CFAP99: variants seen among roughly 807,000 people sequenced by gnomAD.
The protein encoded by CFAP99 is cilia and flagella associated protein 99, also known as cilia- and flagella-associated protein 99.
CFAP99 carries 84 observed loss-of-function variants against 82.7 expected under a neutral mutation model. The ratio of observed to expected loss-of-function variants is 1.02; its 90% CI spans 0.85 to 1.22. The LOEUF is 1.22. Among genes scored for constraint, CFAP99 ranks in the 50% most tolerant of loss-of-function variants. The pLI, the probability that CFAP99 is intolerant of heterozygous loss-of-function variation, is 0.00. For missense variants in CFAP99, 1,059 were observed against 983.5 expected, an observed-to-expected ratio of 1.08 and a Z score of -1.03; for synonymous variants, 456 against 429.5, an observed-to-expected ratio of 1.06 and a Z score of -0.76.
At chr4:2,438,072 A>T in exon 4 of CFAP99, 3 of 1,529,292 alleles carry the variant, frequency 2.0e-6, no homozygotes, top group Non-Finnish European at 2.6e-6. Flanking sequence ...TTTTCTAGTG[A>T]TCTGCTACCT....
chr4:2,450,935 T>G lies in CFAP99; in HGVS notation c.796-12T>G. 6.5e-7 allele frequency: 1 copy of G among 1,535,876 alleles called. No homozygotes were observed. Among genetic ancestry groups the G allele is most frequent in the Non-Finnish European group, 8.7e-7 (1 of 1,146,744 alleles). On this transcript the variant is annotated splice_polypyrimidine_tract_variant and intron_variant, in intron 8 of 14. Transcript: ENST00000635017. ...AGGTGCCAGGCGGCCAGCTCTGCCC[T>G]GACTCCTGCAGGGCTCCAAGCAGCA...
At chr4:2,419,446 C>A (rs989894357) in intron 1 of CFAP99, among the ~76,000 whole-genome samples, 5 of 152,178 alleles carry the variant, frequency 3.3e-5, no homozygotes, top group Admixed American at 6.5e-5. Context: ...GCAGGCACAA[C>A]GAGGCCGGCG....
chr4:2,443,234 C>T lies in CFAP99; in HGVS notation c.456C>T (p.Pro152=), dbSNP rs1214375541. ...ACGTGAAGGAGAACTGGATCGACCC[C>T]CTGATGAGGTAGGCTGGATGGGGGG... The change falls in exon 5 of 15, where the codon CCC becomes CCT. Residue 152 remains proline, a synonymous_variant. Transcript: ENST00000635017. The T allele has an allele frequency of 5.2e-6, 8 of 1,533,516 alleles. No individual in the cohort carries two copies. In the East Asian group the frequency reaches 1.5e-4, roughly 28 times the overall value. The allele number at this position is 1,533,516 out of a possible 1,614,324, so 95.0% of individuals were successfully genotyped here.
intron 4 of CFAP99, among the ~76,000 whole-genome samples, chr4:2,438,416 C>T (rs113978272): frequency 4.0e-4 from 61 of 152,260 alleles, no homozygotes; most frequent in Non-Finnish European, 7.8e-4. Flanking sequence ...GCGCCCGCCA[C>T]CACACCCGGC....
chr4:2,421,350 CTTT>C (rs10632358), intron 1 of CFAP99, among the ~76,000 whole-genome samples: 1 of 96,984 alleles, frequency 1.0e-5, no homozygotes, highest in Non-Finnish European at 1.9e-5. Context: ...TCTGCCCACC[CTTT>C]TTTTTTTTTT....
Position 2,461,502 on chromosome 4 carries a change from G to A in CFAP99, c.1662-941G>A, listed in dbSNP as rs955319764. Among the ~76,000 whole-genome samples the A allele has an allele frequency of 3.3e-5, 5 of 152,188 alleles. No individual in the cohort carries two copies. In the East Asian group the frequency reaches 5.8e-4, roughly 18 times the overall value. ...AACCGCTGCTGGTGCTGTACAGGGC[G>A]GGCTGGCTGCCCACCAGCTCCCCAA... On this transcript the variant is annotated intron_variant, in intron 14 of 14. Coordinates refer to ENST00000635017, the Ensembl canonical transcript of CFAP99.
At chr4:2,461,820 G>A (rs777121839) in intron 14 of CFAP99, among the ~76,000 whole-genome samples, 3 of 152,046 alleles carry the variant, frequency 2.0e-5, no homozygotes, top group Non-Finnish European at 4.4e-5. Flanking sequence ...GAAGGATCAA[G>A]GGCCATGTCT....
intron 6 of CFAP99, among the ~76,000 whole-genome samples, chr4:2,447,092 G>GTGGA (rs1193279805): frequency 4.6e-5 from 7 of 150,646 alleles, no homozygotes; most frequent in Non-Finnish European, 8.9e-5. Flanking sequence ...GGATGGGTGG[G>GTGGA]TGGATGGATG....
At chr4:2,424,208 C>G (rs1733638883) in intron 1 of CFAP99, among the ~76,000 whole-genome samples, 2 of 152,200 alleles carry the variant, frequency 1.3e-5, no homozygotes, top group Admixed American at 1.3e-4. Flanking sequence ...CACCTGAGGT[C>G]AGGAGTTTGA....
intron 6 of CFAP99, among the ~76,000 whole-genome samples, chr4:2,445,797 T>C (rs1338050333): frequency 2.6e-5 from 4 of 152,066 alleles, no homozygotes; most frequent in Admixed American, 6.6e-5. Context: ...GCTTAGAAAA[T>C]AGAGCACAGG....
intron 8 of CFAP99, chr4:2,450,402 G>A (rs1216800537): frequency 6.7e-6 from 2 of 299,646 alleles, no homozygotes; most frequent in South Asian, 3.5e-5. Flanking sequence ...TCAGGAGCAC[G>A]GCCCCGCTGG....
At position 2,460,032 on chromosome 4, in the gene CFAP99, C is replaced by A. The variant is rs759608630; in HGVS notation, c.1456-5C>A. Reference sequence around the variant, plus strand: ...CAGCTTGGGGCCTCCCCTACCACCCCACAGATCCCCGGCTACGGCCTGGAA... The same window carrying A: ...CAGCTTGGGGCCTCCCCTACCACCCAACAGATCCCCGGCTACGGCCTGGAA... On this transcript the variant is annotated splice_polypyrimidine_tract_variant and splice_region_variant and intron_variant, in intron 13 of 14. Transcript: ENST00000635017. The A allele has an allele frequency of 1.3e-6, 2 of 1,535,662 alleles. No individual in the cohort carries two copies. The highest frequency in any genetic ancestry group is 2.4e-5 in the South Asian group (2 of 84,000).
At position 2,458,748 on chromosome 4, in the gene CFAP99, C is replaced by T. The variant is rs1560390466; in HGVS notation, c.1187C>T (p.Ala396Val). 33 of 1,535,188 alleles carry T rather than the reference C, an allele frequency of 2.1e-5. No individual in the cohort carries two copies. The highest frequency in any genetic ancestry group is 2.8e-5 in the Non-Finnish European group (32 of 1,146,712). Reference sequence around the variant, plus strand: ...ATGGCCAAGCTGATGCTGCAGCGTGCAGAGAGACGGCTCCGGGAGGACAGG... The same window carrying T: ...ATGGCCAAGCTGATGCTGCAGCGTGTAGAGAGACGGCTCCGGGAGGACAGG... The change falls in exon 12 of 15, where the codon GCA (alanine) becomes GTA (valine). Residue 396 changes from alanine (A) to valine (V), a missense_variant. Physicochemically the swap from Ala to Val is moderately conservative, Grantham distance 64. Transcript: ENST00000635017.
chr4:2,424,439 G>A (rs368337772), intron 1 of CFAP99, among the ~76,000 whole-genome samples: 1 of 152,030 alleles, frequency 6.6e-6, no homozygotes, highest in Admixed American at 6.6e-5. Flanking sequence ...GGCAACAAGA[G>A]CAAAACTCCA....
chr4:2,443,609 T>C (rs1437724474), intron 5 of CFAP99, among the ~76,000 whole-genome samples: 1 of 152,158 alleles, frequency 6.6e-6, no homozygotes, highest in Non-Finnish European at 1.5e-5. Flanking sequence ...GTGGTTCTAG[T>C]CCTGTGGGGA....
At chr4:2,451,455 C>T (rs1431083895) in intron 10 of CFAP99, 103 bp downstream of exon 10, 1 of 1,077,838 alleles carries the variant, frequency 9.3e-7, no homozygotes, top group African/African-American at 1.6e-5. Context: ...TGGAGAGGGA[C>T]TCGGGGGTCA....
rs961356469 is a variant in CFAP99, at chr4:2,462,247, C to T, written c.1662-196C>T. On this transcript the variant is annotated intron_variant, in intron 14 of 14. Transcript: ENST00000635017. This position sits in a 1 kb window ranked among gnomAD's most constrained non-coding sequence, Gnocchi z 4.1. ...GAAGTGCTGGAGACTCCCCCAACCCCTCCAGCCCCTGAGCGGTGGTACTGT... is the reference window on the plus strand; with the variant it reads ...GAAGTGCTGGAGACTCCCCCAACCCTTCCAGCCCCTGAGCGGTGGTACTGT... 4.3e-6 allele frequency: 2 copies of T among 460,116 alleles called. No individual in the cohort carries two copies. Among genetic ancestry groups the T allele is most frequent in the Non-Finnish European group, 3.7e-6 (1 of 266,710 alleles). The allele number at this position is 460,116 out of a possible 1,614,324, so 28.5% of individuals were successfully genotyped here.
chr4:2,422,441 T>C (rs532296012), intron 1 of CFAP99, among the ~76,000 whole-genome samples: 3 of 152,122 alleles, frequency 2.0e-5, no homozygotes, highest in Non-Finnish European at 2.9e-5. Flanking sequence ...CCGCCCTGGA[T>C]TGGGGGGCGG....
intron 2 of CFAP99, among the ~76,000 whole-genome samples, chr4:2,430,377 G>T: frequency 8.2e-5 from 1 of 12,218 alleles, no homozygotes; most frequent in Non-Finnish European, 1.3e-4. Context: ...TACGCAATAC[G>T]TAAACCAAAC....
Sources: gnomAD v4.1 joint callset for allele counts (sites outside exome capture counted in the v4.1 genomes callset) on GRCh38, gnomAD v4.1.1 for gene constraint, Gnocchi (gnomAD v3.1) non-coding constraint, MANE v1.5 for transcripts, NCBI Gene and HGNC (gene_info 2026-07-23, HGNC 2026-07-21) for gene names.